KLHL14: variants seen among roughly 807,000 people sequenced by gnomAD.
KLHL14 encodes kelch-like protein 14.
KLHL14 carries 22 observed loss-of-function variants against 64.3 expected under a neutral mutation model. The ratio of observed to expected loss-of-function variants is 0.34; its 90% CI spans 0.24 to 0.49. The LOEUF (loss-of-function observed/expected upper bound fraction) is 0.49. Among genes scored for constraint, KLHL14 ranks in the 20% least tolerant of loss-of-function variants. The pLI is 0.99. For missense variants in KLHL14, 661 were observed against 789.0 expected, an observed-to-expected ratio of 0.84 and a Z score of 1.94; for synonymous variants, 322 against 333.4, an observed-to-expected ratio of 0.97 and a Z score of 0.37.
At chr18:32,749,446 A>G (rs1598575396) in intron 2 of KLHL14, among the ~76,000 whole-genome samples, 2 of 152,168 alleles carry the variant, frequency 1.3e-5, no homozygotes, top group African/African-American at 4.8e-5. Context: ...TCCTCTTACA[A>G]GAATGTTGTA....
chr18:32,702,437 A>G (rs1418288285), intron 3 of KLHL14, among the ~76,000 whole-genome samples: 2 of 151,606 alleles, frequency 1.3e-5, no homozygotes, highest in Non-Finnish European at 1.5e-5. Flanking sequence ...TAATCCTACC[A>G]TTCAGTCTTT....
chr18:32,738,981 TAGGCTGGCCTCTTTCTAAG>T (rs369820508), intron 3 of KLHL14, among the ~76,000 whole-genome samples: 166 of 152,288 alleles, frequency 1.1e-3, no homozygotes, highest in African/African-American at 3.8e-3. Flanking sequence ...CACCTGCCTG[TAGGCTGGCCTCTTTCTAAG>T]AGGAGCATGT....
intron 3 of KLHL14, among the ~76,000 whole-genome samples, chr18:32,716,367 A>G (rs1453040327): frequency 6.6e-6 from 1 of 152,164 alleles, no homozygotes; most frequent in Non-Finnish European, 1.5e-5. Context: ...GTGAGAGAAC[A>G]GAATGATGAA....
intron 2 of KLHL14, chr18:32,743,775 A>T (rs1244291324): frequency 1.3e-5 from 2 of 152,214 alleles, no homozygotes; most frequent in African/African-American, 4.8e-5. Flanking sequence ...AAGAAAAATC[A>T]GTGCAGTCTG....
At position 32,683,612 on chromosome 18, in the gene KLHL14, G is replaced by T. The variant is rs1294043760; in HGVS notation, c.1239-3013C>A. Among the ~76,000 whole-genome samples the T allele has an allele frequency of 6.6e-6, 1 of 152,172 alleles. No individual in the cohort carries two copies. The highest frequency in any genetic ancestry group is 1.5e-5 in the Non-Finnish European group (1 of 68,022). Reference sequence around the variant, plus strand: ...GATTACACTGTTTCTGTTTCAAATTGTTCATCTCTCCCTCCTTCAGCCTCC... The same window carrying T: ...GATTACACTGTTTCTGTTTCAAATTTTTCATCTCTCCCTCCTTCAGCCTCC... On this transcript the variant is annotated intron_variant, in intron 5 of 8. Coordinates refer to ENST00000359358, the MANE Select transcript of KLHL14 (RefSeq NM_020805.3). The surrounding 1 kb of genome is among the most constrained non-coding windows in gnomAD (Gnocchi z 4.2).
intron 3 of KLHL14, among the ~76,000 whole-genome samples, chr18:32,723,756 T>C (rs2050091649): frequency 6.6e-6 from 1 of 152,160 alleles, no homozygotes; most frequent in African/African-American, 2.4e-5. Flanking sequence ...CCCCTCTTAC[T>C]AGCACCAGGG....
intron 3 of KLHL14, among the ~76,000 whole-genome samples, chr18:32,719,383 A>G (rs976198504): frequency 6.6e-6 from 1 of 152,360 alleles, no homozygotes; most frequent in East Asian, 1.9e-4. Flanking sequence ...TACTGTGTCT[A>G]TATCTTGTAA....
At chr18:32,760,749 A>G (rs1047835883) in intron 2 of KLHL14, among the ~76,000 whole-genome samples, 1 of 152,216 alleles carries the variant, frequency 6.6e-6, no homozygotes, top group African/African-American at 2.4e-5. Context: ...TAAGTTTATG[A>G]GATTAAAAAG....
intron 2 of KLHL14, among the ~76,000 whole-genome samples, chr18:32,755,008 G>A (rs2050274646): frequency 6.6e-6 from 1 of 152,140 alleles, no homozygotes. Context: ...GTGCTGAGGA[G>A]ACAATGAGGT....
Position 32,747,061 on chromosome 18 carries a change from T to C in KLHL14, c.948-5012A>G, listed in dbSNP as rs550657978. The stretch of plus-strand genomic sequence containing the variant: ...TTTTTTAAACAAGTAATTATTATTA[T>C]CTATTTGGAAATTTGAAATGAATCT... On this transcript the variant is annotated intron_variant, in intron 2 of 8. Transcript: ENST00000359358. Among the ~76,000 whole-genome samples the C allele has an allele frequency of 7.2e-5, 11 of 152,364 alleles. 1 individual carries two copies. The South Asian group carries it at 2.1e-3, about 29-fold the overall frequency.
At chr18:32,729,211 T>A (rs1204650039) in intron 3 of KLHL14, among the ~76,000 whole-genome samples, 2 of 152,194 alleles carry the variant, frequency 1.3e-5, no homozygotes, top group African/African-American at 4.8e-5. Flanking sequence ...CACCTATTTG[T>A]TTCCTTGCCT....
chr18:32,684,150 AT>A (rs2049858550), intron 5 of KLHL14, among the ~76,000 whole-genome samples: 1 of 152,164 alleles, frequency 6.6e-6, no homozygotes. Context: ...CAAGTTTTTA[AT>A]TTTTCCTCTC....
At chr18:32,749,769 G>A (rs1463199288) in intron 2 of KLHL14, among the ~76,000 whole-genome samples, 1 of 152,126 alleles carries the variant, frequency 6.6e-6, no homozygotes, top group African/African-American at 2.4e-5. Context: ...TTCACATCTG[G>A]TGGTACAGCA....
At chr18:32,754,369 C>T (rs770953436) in intron 2 of KLHL14, among the ~76,000 whole-genome samples, 1 of 152,092 alleles carries the variant, frequency 6.6e-6, no homozygotes, top group Non-Finnish European at 1.5e-5. Flanking sequence ...GACTTTTTGA[C>T]CTAAGGAAAC....
intron 3 of KLHL14, among the ~76,000 whole-genome samples, chr18:32,740,236 C>T (rs1379498631): frequency 1.3e-5 from 2 of 152,186 alleles, no homozygotes; most frequent in Non-Finnish European, 2.9e-5. Flanking sequence ...ATAGATTCCC[C>T]TTTCATGCTT....
chr18:32,678,952 G>T (rs1286093401), intron 7 of KLHL14, among the ~76,000 whole-genome samples: 1 of 152,096 alleles, frequency 6.6e-6, no homozygotes, highest in African/African-American at 2.4e-5. Flanking sequence ...GAAATGCAAA[G>T]AAATCACATT....
chr18:32,692,449 G>A (rs894297207), intron 4 of KLHL14, among the ~76,000 whole-genome samples: 2 of 152,144 alleles, frequency 1.3e-5, no homozygotes, highest in African/African-American at 4.8e-5. Flanking sequence ...ATTAAAGCAT[G>A]TTATATATTA....
At chr18:32,686,073 G>A (rs927894922) in intron 5 of KLHL14, among the ~76,000 whole-genome samples, 2 of 149,902 alleles carry the variant, frequency 1.3e-5, no homozygotes, top group African/African-American at 2.5e-5. Flanking sequence ...GTGCAGTGGC[G>A]CAATCTAGGC....
At chr18:32,737,742 C>G (rs2050173414) in intron 3 of KLHL14, 1 of 152,098 alleles carries the variant, frequency 6.6e-6, no homozygotes, top group Admixed American at 6.6e-5. Flanking sequence ...AACCACCACC[C>G]AACAGTTTCC....
Sources: allele counts gnomAD v4.1 joint callset (sites outside exome capture counted in the v4.1 genomes callset), GRCh38; gene constraint gnomAD v4.1.1; non-coding constraint Gnocchi (gnomAD v3.1); transcripts MANE v1.5; gene names NCBI Gene and HGNC (gene_info 2026-07-23, HGNC 2026-07-21).